The following TMTC1 variants were observed in gnomAD, a reference collection of about 807,000 sequenced individuals.
The protein encoded by TMTC1 is protein O-mannosyl-transferase TMTC1.
TMTC1 carries 73 observed loss-of-function variants against 104.8 expected under a neutral mutation model. That is an observed-to-expected ratio of 0.70 (90% CI 0.58 to 0.85). The LOEUF (loss-of-function observed/expected upper bound fraction) is 0.85, where lower values mean the gene tolerates loss of function less well. Among genes scored for constraint, TMTC1 ranks in the 40% least tolerant of loss-of-function variants. The pLI, the probability that TMTC1 is intolerant of heterozygous loss-of-function variation, is 0.00. For synonymous variants in TMTC1, 434 were observed against 428.7 expected (o/e 1.01, Z -0.15); for missense variants, 1,035 against 1,096.1 (o/e 0.94, Z 0.79).
At chr12:29,609,047 C>T (rs1274861780) in intron 6 of TMTC1, among the ~76,000 whole-genome samples, 1 of 152,162 alleles carries the variant, frequency 6.6e-6, no homozygotes, top group Non-Finnish European at 1.5e-5. Context: ...ACCGATGATA[C>T]ACACCGCAGG....
intron 5 of TMTC1, among the ~76,000 whole-genome samples, chr12:29,674,793 C>A (rs1456859299): frequency 1.3e-5 from 2 of 152,178 alleles, no homozygotes; most frequent in African/African-American, 4.8e-5. Flanking sequence ...AGTGCCCACA[C>A]CTCAAACATC....
chr12:29,702,774 T>C (rs1225721614), intron 5 of TMTC1, among the ~76,000 whole-genome samples: 1 of 151,490 alleles, frequency 6.6e-6, no homozygotes, highest in African/African-American at 2.4e-5. Flanking sequence ...TGCTTAAAGA[T>C]TGGTTCATTG....
intron 5 of TMTC1, among the ~76,000 whole-genome samples, chr12:29,656,553 C>T (rs1012337083): frequency 2.0e-5 from 3 of 151,548 alleles, no homozygotes; most frequent in African/African-American, 7.3e-5. Context: ...TGGGTTTTCA[C>T]CATGTTGGCC....
intron 5 of TMTC1, among the ~76,000 whole-genome samples, chr12:29,651,433 C>T (rs1490166727): frequency 1.3e-5 from 2 of 152,172 alleles, no homozygotes; most frequent in Non-Finnish European, 2.9e-5. Flanking sequence ...TAGGGACAAA[C>T]ATGGAGTTCA....
chr12:29,640,167 C>T (rs1291304846), intron 5 of TMTC1, among the ~76,000 whole-genome samples: 1 of 152,194 alleles, frequency 6.6e-6, no homozygotes, highest in Non-Finnish European at 1.5e-5. Context: ...GCAACTCCGA[C>T]AAGCTTCTCA....
intron 1 of TMTC1, among the ~76,000 whole-genome samples, chr12:29,778,775 A>G (rs1313109078): frequency 1.3e-5 from 2 of 152,248 alleles, no homozygotes; most frequent in East Asian, 3.9e-4. Flanking sequence ...CAGAGCCACC[A>G]TGAGTGATTC....
intron 5 of TMTC1, among the ~76,000 whole-genome samples, chr12:29,745,472 A>T (rs1412091227): frequency 6.6e-6 from 1 of 151,936 alleles, no homozygotes; most frequent in Non-Finnish European, 1.5e-5. Context: ...AAAATACAAA[A>T]ATTAGCCAGG....
chr12:29,699,976 C>T (rs1375370557), intron 5 of TMTC1, among the ~76,000 whole-genome samples: 5 of 152,016 alleles, frequency 3.3e-5, no homozygotes, highest in African/African-American at 4.8e-5. Context: ...TCCTTCAAGA[C>T]ACATATATTG....
intron 5 of TMTC1, among the ~76,000 whole-genome samples, chr12:29,697,037 A>G (rs1941444251): frequency 6.6e-6 from 1 of 152,266 alleles, no homozygotes; most frequent in East Asian, 1.9e-4. Context: ...CATAAGTTCC[A>G]TGAAAGCAGG....
chr12:29,668,833 A>T (rs993033526), intron 5 of TMTC1, among the ~76,000 whole-genome samples: 2 of 152,238 alleles, frequency 1.3e-5, no homozygotes, highest in Non-Finnish European at 2.9e-5. Flanking sequence ...TCTACAATGA[A>T]GGCTTTTCAT....
intron 6 of TMTC1, among the ~76,000 whole-genome samples, chr12:29,614,470 A>C (rs1481326901): frequency 1.3e-5 from 2 of 152,240 alleles, no homozygotes; most frequent in African/African-American, 2.4e-5. Flanking sequence ...GTTTTCAAAC[A>C]GCCTAACTGC....
chr12:29,660,297 C>T (rs142360027), intron 5 of TMTC1, among the ~76,000 whole-genome samples: 4 of 152,250 alleles, frequency 2.6e-5, no homozygotes, highest in Non-Finnish European at 4.4e-5. Flanking sequence ...TGAGATATCA[C>T]GTAGAGGAGA....
At chr12:29,517,604 C>A in intron 13 of TMTC1, 33 bp from the exon 14 acceptor site, 1 of 1,613,316 alleles carries the variant, frequency 6.2e-7, no homozygotes, top group South Asian at 1.1e-5. Context: ...TGACATTTCT[C>A]TTCTAATAGG....
At chr12:29,714,537 C>T (rs1236091128) in intron 5 of TMTC1, among the ~76,000 whole-genome samples, 1 of 152,196 alleles carries the variant, frequency 6.6e-6, no homozygotes, top group East Asian at 1.9e-4. Context: ...AGTTGTTTTA[C>T]CTACCATTGC....
intron 6 of TMTC1, among the ~76,000 whole-genome samples, chr12:29,610,322 A>C (rs577800400): frequency 1.3e-5 from 2 of 152,342 alleles, no homozygotes; most frequent in African/African-American, 4.8e-5. Context: ...CACCCTGTTT[A>C]AGGCCACCGA....
chr12:29,778,351 A>T (rs947920761), intron 1 of TMTC1, among the ~76,000 whole-genome samples: 4 of 152,366 alleles, frequency 2.6e-5, no homozygotes, highest in African/African-American at 9.6e-5. Flanking sequence ...ACAATTCAGC[A>T]GTATCTTCTT....
chr12:29,776,509 C>T (rs1331215167), intron 1 of TMTC1, among the ~76,000 whole-genome samples: 1 of 152,144 alleles, frequency 6.6e-6, no homozygotes, highest in African/African-American at 2.4e-5. Flanking sequence ...TTAGTATTTA[C>T]CTGAAAAATC....
intron 5 of TMTC1, among the ~76,000 whole-genome samples, chr12:29,702,550 G>A (rs1198792126): frequency 6.6e-6 from 1 of 152,180 alleles, no homozygotes; most frequent in African/African-American, 2.4e-5. Flanking sequence ...AGAATACCCA[G>A]GACAGGGGTT....
At position 29,751,674 on chromosome 12, in the gene TMTC1, G is replaced by A; in HGVS notation, c.930C>T (p.Ser310=). The stretch of plus-strand genomic sequence containing the variant: ...GAAACCCAGCCCAGTACCTCATCAT[G>A]GACCACACAGCTCGTGGGGACACTG... ...GFPVSPRAVW[S]MMRFLTYSYL... Residue 310 remains serine, a synonymous_variant, in exon 5 of 18, where the codon TCC becomes TCT. Transcript: ENST00000539277. The A allele has an allele frequency of 1.2e-6, 2 of 1,614,090 alleles. No individual in the cohort carries two copies. The highest frequency in any genetic ancestry group is 1.7e-6 in the Non-Finnish European group (2 of 1,180,006).
Sources: gnomAD v4.1 joint callset for allele counts (sites outside exome capture counted in the v4.1 genomes callset) on GRCh38, gnomAD v4.1.1 for gene constraint, MANE v1.5 for transcripts, NCBI Gene and HGNC (gene_info 2026-07-23, HGNC 2026-07-21) for gene names.